SHROOM4: variants seen among roughly 807,000 people sequenced by gnomAD.
SHROOM4 encodes protein Shroom4.
In SHROOM4, 17 loss-of-function variants were observed where a neutral mutation model predicts 80.3. The observed-to-expected ratio is 0.21, with a 90% CI of 0.14 to 0.32. The LOEUF is 0.32. SHROOM4 is among the 10% of genes least tolerant of loss of function. The probability of loss-of-function intolerance (pLI) is 1.00; values close to 1 mark genes in which losing one functional copy is unlikely to be tolerated. For missense variants in SHROOM4, 993 were observed against 1,140.3 expected (o/e 0.87, Z 1.86); for synonymous variants, 400 against 437.5 (o/e 0.91, Z 1.07).
intron 1 of SHROOM4, among the ~76,000 whole-genome samples, chrX:50,729,947 T>G (rs1399772595): frequency 8.9e-6 from 1 of 111,805 alleles, no homozygotes; most frequent in Non-Finnish European, 1.9e-5. Context: ...AATAAAAACC[T>G]GAAAGAATTC....
chrX:50,717,330 A>G (rs954219528), intron 1 of SHROOM4, among the ~76,000 whole-genome samples: 16 of 111,296 alleles, frequency 1.4e-4, no homozygotes, highest in Middle Eastern at 4.6e-3. Flanking sequence ...CGATTCTCCT[A>G]CCTCAGCCTC....
intron 5 of SHROOM4, among the ~76,000 whole-genome samples, chrX:50,622,511 C>A (rs1341923818): frequency 8.9e-6 from 1 of 112,408 alleles, no homozygotes; most frequent in African/African-American, 3.2e-5. Context: ...ATTCTCTTCA[C>A]GGAAAACCAA....
In SHROOM4 at chrX:50,777,285, C is replaced by T. The variant is rs182981393; in HGVS notation, c.117+36617G>A. On this transcript the variant is annotated intron_variant, in intron 1 of 8. Transcript: ENST00000376020. The stretch of plus-strand genomic sequence containing the variant: ...GGACAATGAGATGCTTAGGTAATCA[C>T]CTCAAGCTGGAGACTGACATGATCC... Among the ~76,000 whole-genome samples the T allele has an allele frequency of 4.5e-5, 5 of 111,657 alleles. No individual in the cohort carries two copies. In the East Asian group the frequency reaches 1.4e-3, roughly 32 times the overall value.
At chrX:50,742,160 G>C (rs1196593222) in intron 1 of SHROOM4, among the ~76,000 whole-genome samples, 1 of 109,430 alleles carries the variant, frequency 9.1e-6, no homozygotes, top group African/African-American at 3.3e-5. Context: ...CTTCCCCCCT[G>C]CTTTGTGCTA....
chrX:50,752,485 T>G (rs1934944215), intron 1 of SHROOM4, among the ~76,000 whole-genome samples: 1 of 111,319 alleles, frequency 9.0e-6, no homozygotes, highest in Middle Eastern at 4.2e-3. Context: ...GGGTTCTTCA[T>G]GAAAAATACT....
In SHROOM4 at chrX:50,720,767, A is replaced by T. The variant is rs183912621; in HGVS notation, c.118-24830T>A. On this transcript the variant is annotated intron_variant, in intron 1 of 8. Transcript: ENST00000376020. ...CACTTAGTCTTAAATGAAGAGTGGG[A>T]TTATAACCTAATGGAGAAAAAGATG... is the stretch of plus-strand genomic sequence containing the variant. Among the ~76,000 whole-genome samples, 7 of 111,692 alleles carry T rather than the reference A, an allele frequency of 6.3e-5. No individual in the cohort carries two copies. In the East Asian group the frequency reaches 2.0e-3, roughly 32 times the overall value.
chrX:50,694,317 C>A (rs1933304615), intron 2 of SHROOM4, among the ~76,000 whole-genome samples: 1 of 108,611 alleles, frequency 9.2e-6, no homozygotes, highest in African/African-American at 3.3e-5. Context: ...ATTTCACACT[C>A]CTACCAACAG....
intron 1 of SHROOM4, among the ~76,000 whole-genome samples, chrX:50,742,134 A>G (rs1557267253): frequency 2.7e-5 from 3 of 110,115 alleles, no homozygotes; most frequent in Non-Finnish European, 5.7e-5. Flanking sequence ...TCCTTACTCT[A>G]TTATACCTCC....
chrX:50,790,522 A>G (rs1274404257), intron 1 of SHROOM4, among the ~76,000 whole-genome samples: 5 of 111,556 alleles, frequency 4.5e-5, no homozygotes, highest in African/African-American at 1.3e-4. Context: ...AATATCCCCA[A>G]TGAAAACTGA....
intron 4 of SHROOM4, among the ~76,000 whole-genome samples, chrX:50,630,454 T>C (rs1215269328): frequency 1.8e-5 from 2 of 111,755 alleles, no homozygotes; most frequent in Non-Finnish European, 3.8e-5. Flanking sequence ...ACTACCCCCA[T>C]GCTTTTAGAT....
intron 5 of SHROOM4, among the ~76,000 whole-genome samples, chrX:50,618,054 G>A (rs1930323895): frequency 9.0e-6 from 1 of 111,471 alleles, no homozygotes; most frequent in Non-Finnish European, 1.9e-5. Context: ...GCAAAATGGT[G>A]ATGGTGAAAG....
chrX:50,800,340 T>C (rs1158737846), intron 1 of SHROOM4, among the ~76,000 whole-genome samples: 1 of 112,372 alleles, frequency 8.9e-6, no homozygotes, highest in Non-Finnish European at 1.9e-5. Context: ...TACTCTGTGC[T>C]GACTATGGAA....
intron 2 of SHROOM4, among the ~76,000 whole-genome samples, chrX:50,645,259 C>T (rs1176226103): frequency 8.9e-6 from 1 of 111,824 alleles, no homozygotes; most frequent in Non-Finnish European, 1.9e-5. Context: ...ATAATCTGGT[C>T]CAAAAAATGC....
At chrX:50,650,386 C>G (rs913637420) in intron 2 of SHROOM4, among the ~76,000 whole-genome samples, 10 of 112,145 alleles carry the variant, frequency 8.9e-5, no homozygotes, top group Non-Finnish European at 1.7e-4. Context: ...GAGTCTTGCT[C>G]TGTTGCCAGA....
intron 1 of SHROOM4, among the ~76,000 whole-genome samples, chrX:50,736,004 CAA>C (rs1191157869): frequency 1.2e-4 from 8 of 65,270 alleles, no homozygotes; most frequent in East Asian, 4.6e-4. Context: ...GAGACTGTTT[CAA>C]AAAAAAAAAA....
At chrX:50,657,115 A>G (rs1932340483) in intron 2 of SHROOM4, among the ~76,000 whole-genome samples, 1 of 111,649 alleles carries the variant, frequency 9.0e-6, no homozygotes, top group Admixed American at 9.5e-5. Flanking sequence ...TGTATCCTGC[A>G]ACTTTACTGA....
chrX:50,597,432 C>T (rs781954246), intron 8 of SHROOM4, among the ~76,000 whole-genome samples: 2 of 111,518 alleles, frequency 1.8e-5, no homozygotes, highest in South Asian at 7.6e-4. Context: ...AAAGGTATAT[C>T]CAAAGCCACC....
rs368838925 is a variant in SHROOM4, at chrX:50,788,533, G to A, written c.117+25369C>T. ...TGAGGCAGGAGAATGGCATGAACCC[G>A]GGAGGCGGAGCTTGCAGTGAGCCGA... On this transcript the variant is annotated intron_variant, in intron 1 of 8. Coordinates refer to ENST00000376020, the MANE Select transcript of SHROOM4 (RefSeq NM_020717.5). Among the ~76,000 whole-genome samples, 258 of 109,049 alleles carry A rather than the reference G, an allele frequency of 2.4e-3. 1 individual carries two copies. The highest frequency in any genetic ancestry group is 7.0e-3 in the African/African-American group (210 of 29,972). 94.7% of individuals were successfully genotyped at this position (109,049 alleles called of 115,157 possible).
chrX:50,580,680 T>C, the SHROOM4 span, among the ~76,000 whole-genome samples: 1 of 111,285 alleles, frequency 9.0e-6, no homozygotes, highest in African/African-American at 3.3e-5. Context: ...TCCTAACACA[T>C]TGGGAAGCCG....
Sources: allele counts gnomAD v4.1 joint callset (sites outside exome capture counted in the v4.1 genomes callset), GRCh38; gene constraint gnomAD v4.1.1; transcripts MANE v1.5; gene names NCBI Gene and HGNC (gene_info 2026-07-23, HGNC 2026-07-21).